The following DOCK7 variants were observed in gnomAD, a reference collection of about 807,000 sequenced individuals.
DOCK7 encodes dedicator of cytokinesis protein 7.
In DOCK7, 138 loss-of-function variants were observed where a neutral mutation model predicts 271.0. The observed-to-expected ratio is 0.51, with a 90% CI of 0.44 to 0.59. DOCK7 has a LOEUF of 0.59. Ranked by LOEUF, DOCK7 falls within the 20% of genes least tolerant of loss-of-function variation. The probability of loss-of-function intolerance (pLI) is 0.00; values close to 1 mark genes in which losing one functional copy is unlikely to be tolerated. For missense variants in DOCK7, 2,066 were observed against 2,592.4 expected (o/e 0.80, Z 4.41); for synonymous variants, 823 against 876.1 (o/e 0.94, Z 1.07).
At position 62,507,948 on chromosome 1, in the gene DOCK7, C is replaced by T. The variant is rs1444505496; in HGVS notation, c.4476+14G>A. Reference sequence around the variant, plus strand: ...CAAATCCGTATTTTAAATTTCTCTTCTTTGCATTCTTACCTGAACAACAAT... The same window carrying T: ...CAAATCCGTATTTTAAATTTCTCTTTTTTGCATTCTTACCTGAACAACAAT... On this transcript the variant is annotated intron_variant, in intron 35 of 49. Transcript: ENST00000635253. The T allele has an allele frequency of 6.2e-7, 1 of 1,607,660 alleles. No homozygotes were observed. Among genetic ancestry groups the T allele is most frequent in the African/African-American group, 1.3e-5 (1 of 74,696 alleles).
At chr1:62,677,569 T>A (rs1047887450) in intron 1 of DOCK7, among the ~76,000 whole-genome samples, 2 of 151,304 alleles carry the variant, frequency 1.3e-5, no homozygotes, top group African/African-American at 4.8e-5. Flanking sequence ...AAAATTCCCA[T>A]GTAAAAAGCC....
chr1:62,680,714 A>G (rs971308603), intron 1 of DOCK7, among the ~76,000 whole-genome samples: 2 of 151,988 alleles, frequency 1.3e-5, no homozygotes, highest in African/African-American at 4.8e-5. Context: ...CCCATCAAAA[A>G]GTGGGCAAAG....
rs1557612590 is a variant in DOCK7 at position 62,487,328 on chromosome 1, A to G, written c.5508+70T>C. 4 of 1,500,568 alleles carry G rather than the reference A, an allele frequency of 2.7e-6. No homozygotes were observed. In the East Asian group the frequency reaches 6.8e-5, roughly 25 times the overall value. 93.0% of individuals were successfully genotyped at this position (1,500,568 alleles called of 1,614,324 possible). A position where few individuals can be genotyped will look rare whatever the true frequency, so the allele number is the denominator to read the frequency against. On this transcript the variant is annotated intron_variant, in intron 43 of 49. Coordinates refer to ENST00000635253, the MANE Select transcript of DOCK7 (RefSeq NM_001367561.1). ...ATGCCCACAGCTAGCACATGTGGGC[A>G]AAGCATTGGCATAAGAAATCTGATA... is the stretch of plus-strand genomic sequence containing the variant.
chr1:62,493,109 T>C (rs767541917), intron 40 of DOCK7, among the ~76,000 whole-genome samples: 26 of 152,120 alleles, frequency 1.7e-4, no homozygotes, highest in Non-Finnish European at 3.1e-4. Context: ...CTAAAGGAAA[T>C]TGTAATATAA....
At chr1:62,532,644 G>A (rs533180010) in intron 29 of DOCK7, among the ~76,000 whole-genome samples, 16 of 152,314 alleles carry the variant, frequency 1.1e-4, no homozygotes, top group African/African-American at 3.6e-4. Context: ...CAATATGGCT[G>A]TAATTTAGGT....
chr1:62,603,376 T>C (rs998104102), intron 14 of DOCK7, among the ~76,000 whole-genome samples: 1 of 151,832 alleles, frequency 6.6e-6, no homozygotes, highest in Admixed American at 6.6e-5. Context: ...TTATATTTGT[T>C]ATTTGTTTTT....
chr1:62,645,770 C>A (rs1571887308), intron 7 of DOCK7, among the ~76,000 whole-genome samples: 1 of 152,230 alleles, frequency 6.6e-6, no homozygotes, highest in East Asian at 1.9e-4. Flanking sequence ...AAAGTAGAAA[C>A]AACCCAAATG....
chr1:62,508,341 C>A (rs1644375282), intron 34 of DOCK7, among the ~76,000 whole-genome samples: 1 of 152,142 alleles, frequency 6.6e-6, no homozygotes, highest in South Asian at 2.1e-4. Context: ...CAGTTTTATT[C>A]TAAGTGACAC....
Position 62,504,504 on chromosome 1 carries a change from G to T in DOCK7, c.4764+126C>A, listed in dbSNP as rs1235905800. On this transcript the variant is annotated intron_variant, in intron 37 of 49. Transcript: ENST00000635253. Reference sequence around the variant, plus strand: ...ATATACACAGAATGAGAAATATCAAGATAGCCTATGATTAGACTAAAAATA... The same window carrying T: ...ATATACACAGAATGAGAAATATCAATATAGCCTATGATTAGACTAAAAATA... 3 of 998,192 alleles carry T rather than the reference G, an allele frequency of 3.0e-6. No homozygotes were observed. The East Asian group carries it at 8.0e-5, about 26-fold the overall frequency. 61.8% of individuals were successfully genotyped at this position (998,192 alleles called of 1,614,324 possible).
intron 46 of DOCK7, 35 bp from the exon 47 acceptor site, chr1:62,475,386 G>T: frequency 1.9e-6 from 3 of 1,588,332 alleles, no homozygotes; most frequent in Non-Finnish European, 2.6e-6. Flanking sequence ...TCAGTGTACT[G>T]ACTGAAAACT....
chr1:62,646,302 G>C (rs1405322472), intron 7 of DOCK7, among the ~76,000 whole-genome samples: 3 of 152,060 alleles, frequency 2.0e-5, no homozygotes, highest in Non-Finnish European at 4.4e-5. Flanking sequence ...TAAGCTCATA[G>C]AGACAAAAAG....
chr1:62,634,731 A>C (rs1437348395), intron 9 of DOCK7, 42 bp downstream of exon 9: 8 of 1,570,420 alleles, frequency 5.1e-6, no homozygotes, highest in Non-Finnish European at 7.0e-6. Flanking sequence ...ACAAGTATAC[A>C]GACACTACAA....
intron 1 of DOCK7, among the ~76,000 whole-genome samples, chr1:62,670,983 T>C (rs997234178): frequency 2.6e-5 from 4 of 152,162 alleles, no homozygotes; most frequent in Non-Finnish European, 4.4e-5. Flanking sequence ...GCTTCACTCC[T>C]GAGCCCAGCG....
intron 25 of DOCK7, among the ~76,000 whole-genome samples, chr1:62,541,557 G>A (rs1184547): frequency 0.58 from 88,690 of 152,022 alleles, 27,538 homozygotes; most frequent in East Asian, 0.76. Flanking sequence ...AATTAATGAA[G>A]AGCAAATATA....
chr1:62,478,714 AG>A (rs1313993470), intron 43 of DOCK7: 1 of 152,158 alleles, frequency 6.6e-6, no homozygotes, highest in Admixed American at 6.6e-5. Context: ...CACCCAGCCC[AG>A]TAAAAAATTT....
intron 6 of DOCK7, 107 bp downstream of exon 6, chr1:62,647,999 T>C (rs1465288291): frequency 2.0e-6 from 2 of 1,018,166 alleles, no homozygotes; most frequent in Non-Finnish European, 2.9e-6. Context: ...AAATTACAGC[T>C]GTTTCAGTTG....
chr1:62,578,657 G>A (rs1320451611), intron 17 of DOCK7, among the ~76,000 whole-genome samples, 171 bp downstream of exon 17: 1 of 146,526 alleles, frequency 6.8e-6, no homozygotes, highest in African/African-American at 2.5e-5. Context: ...AGGAAACGGA[G>A]GTTGCAGTGA....
intron 37 of DOCK7, among the ~76,000 whole-genome samples, chr1:62,504,142 C>T (rs543710625): frequency 1.2e-3 from 180 of 151,262 alleles, no homozygotes; most frequent in East Asian, 1.9e-3. Context: ...ACCAAGGAGA[C>T]GCCAAAAATA....
intron 18 of DOCK7, among the ~76,000 whole-genome samples, chr1:62,572,375 A>G (rs1356526287): frequency 1.5e-4 from 23 of 152,248 alleles, no homozygotes; most frequent in Admixed American, 1.4e-3. Context: ...CCATGTTATT[A>G]TATCATTCAA....
Sources: gnomAD v4.1 joint callset for allele counts (sites outside exome capture counted in the v4.1 genomes callset) on GRCh38, gnomAD v4.1.1 for gene constraint, MANE v1.5 for transcripts, NCBI Gene and HGNC (gene_info 2026-07-23, HGNC 2026-07-21) for gene names.